FAM228B: variants seen among roughly 807,000 people sequenced by gnomAD.
The protein encoded by FAM228B is protein FAM228B.
FAM228B carries 38 observed loss-of-function variants against 42.6 expected under a neutral mutation model. The ratio of observed to expected loss-of-function variants is 0.89; its 90% CI spans 0.69 to 1.17. The LOEUF is 1.17. Ranked by LOEUF, FAM228B falls within the 50% of genes most tolerant of loss-of-function variation. The pLI is 0.00. For synonymous variants in FAM228B, 109 were observed against 122.3 expected, an observed-to-expected ratio of 0.89 and a Z score of 0.72; for missense variants, 344 against 367.3, an observed-to-expected ratio of 0.94 and a Z score of 0.52.
chr2:24,157,877 A>G (rs898042157), intron 7 of FAM228B, among the ~76,000 whole-genome samples: 52 of 152,334 alleles, frequency 3.4e-4, no homozygotes, highest in African/African-American at 1.3e-3. Context: ...CCACTTATTT[A>G]TAGCCATAAG....
chr2:24,102,983 C>T (rs1311772543), intron 3 of FAM228B, among the ~76,000 whole-genome samples: 1 of 152,118 alleles, frequency 6.6e-6, no homozygotes, highest in Non-Finnish European at 1.5e-5. Context: ...TATAGATGGA[C>T]AAGGCATGCA....
rs1194774903 is a variant in FAM228B at position 24,124,436 on chromosome 2, G to T, written c.75G>T (p.Glu25Asp). The T allele has an allele frequency of 2.6e-6, 4 of 1,551,068 alleles. No homozygotes were observed. In the East Asian group the frequency reaches 9.8e-5, roughly 38 times the overall value. Residue 25 changes from glutamate (E) to aspartate (D), a missense_variant, in exon 2 of 11, where the codon GAG (glutamate) becomes GAT (aspartate). Coordinates refer to ENST00000615575, the MANE Select transcript of FAM228B (RefSeq NM_001145710.2). The part of the protein sequence containing the change: ...PKLKSSKEWL[E>D]PKPLCFMEVL... The stretch of plus-strand genomic sequence containing the variant: ...TCAAGAGCTCAAAAGAATGGTTGGA[G>T]CCCAAGCCCCTTTGTTTTATGGAGG...
intron 2 of FAM228B, among the ~76,000 whole-genome samples, chr2:24,092,693 C>T (rs1037891641): frequency 3.3e-5 from 5 of 152,034 alleles, no homozygotes; most frequent in African/African-American, 9.7e-5. Context: ...GATGTATGTA[C>T]AGAGATGTTT....
intron 1 of FAM228B, chr2:24,079,582 G>T (rs1212856844): frequency 1.2e-6 from 2 of 1,614,084 alleles, no homozygotes; most frequent in East Asian, 2.2e-5. Context: ...CCAGGCAGTT[G>T]ACGTTCTTCT....
chr2:24,109,824 C>G (rs1404780786), intron 3 of FAM228B, among the ~76,000 whole-genome samples: 2 of 152,314 alleles, frequency 1.3e-5, no homozygotes, highest in East Asian at 1.9e-4. Flanking sequence ...AATGCTTATA[C>G]AGTGCTGATG....
At chr2:24,132,492 G>A (rs565161093) in intron 2 of FAM228B, among the ~76,000 whole-genome samples, 789 of 61,304 alleles carry the variant, frequency 0.013, 8 homozygotes, top group Middle Eastern at 0.019. Flanking sequence ...TTTTTTTTTG[G>A]TTGATAGGCT....
At chr2:24,121,882 A>G (rs1666130193), upstream of FAM228B, among the ~76,000 whole-genome samples, 2 of 152,340 alleles carry the variant, frequency 1.3e-5, no homozygotes, top group South Asian at 4.1e-4. Flanking sequence ...GCTTTCACAG[A>G]TGACCAGTCT....
rs1664940247 is a variant in FAM228B, at chr2:24,080,296, A to G, written c.-289-580A>G. Among the ~76,000 whole-genome samples, 1 of 151,954 alleles carries G rather than the reference A, an allele frequency of 6.6e-6. No individual in the cohort carries two copies. Among genetic ancestry groups the G allele is most frequent in the African/African-American group, 2.4e-5 (1 of 41,362 alleles). On this transcript the variant is annotated intron_variant, in intron 1 of 10. Coordinates refer to the FAM228B transcript ENST00000613899. This position sits in a 1 kb window ranked among gnomAD's most constrained non-coding sequence, Gnocchi z 4.7. The stretch of plus-strand genomic sequence containing the variant: ...CTTGAACCTGGGAGGCGGAGGTTGC[A>G]GCGAGCCGAGATCAAGCCACTGCAC...
intron 7 of FAM228B, among the ~76,000 whole-genome samples, chr2:24,158,681 C>T (rs1283767542): frequency 6.6e-6 from 1 of 152,054 alleles, no homozygotes; most frequent in African/African-American, 2.4e-5. Flanking sequence ...GAGTCTCAGT[C>T]ACGATGGTGG....
chr2:24,144,341 G>A (rs966739717), intron 5 of FAM228B, among the ~76,000 whole-genome samples: 1 of 152,152 alleles, frequency 6.6e-6, no homozygotes, highest in African/African-American at 2.4e-5. Context: ...GGAGGTGGAG[G>A]TGGGAGGATG....
intron 2 of FAM228B, among the ~76,000 whole-genome samples, chr2:24,126,102 G>A (rs1041309351): frequency 6.6e-6 from 1 of 152,148 alleles, no homozygotes; most frequent in Admixed American, 6.5e-5. Flanking sequence ...CCAGTTTGGG[G>A]CTATTACAAA....
At chr2:24,166,102 G>C (rs1667405828) in intron 9 of FAM228B, 1 of 139,680 alleles carries the variant, frequency 7.2e-6, no homozygotes, top group Non-Finnish European at 1.6e-5. Flanking sequence ...TAGATAGATA[G>C]ATAGATATAG....
At chr2:24,160,430 C>T (rs1404506729) in intron 7 of FAM228B, among the ~76,000 whole-genome samples, 2 of 152,116 alleles carry the variant, frequency 1.3e-5, no homozygotes, top group Non-Finnish European at 2.9e-5. Context: ...TCTTTGCATT[C>T]TGCTTCTGGG....
At position 24,095,654 on chromosome 2, in the gene FAM228B, C is replaced by G. The variant is rs2150993726; in HGVS notation, c.-121+425C>G. 1 of 152,490 alleles carries G rather than the reference C, an allele frequency of 6.6e-6. No individual in the cohort carries two copies. Among genetic ancestry groups the G allele is most frequent in the African/African-American group, 2.4e-5 (1 of 41,594 alleles). 9.4% of individuals were successfully genotyped at this position (152,490 alleles called of 1,614,324 possible). A position where few individuals can be genotyped will look rare whatever the true frequency, so the allele number is the denominator to read the frequency against. On this transcript the variant is annotated intron_variant, in intron 3 of 10. Transcript: ENST00000613899. This position sits in a 1 kb window ranked among gnomAD's most constrained non-coding sequence, Gnocchi z 4.8. ...TGCAGCTCAGTAAGGCCTACTGCCT[C>G]TAGACTCCATCTCTGTGGCCAGGGC... is the stretch of plus-strand genomic sequence containing the variant.
upstream of FAM228B, chr2:24,121,205 G>A (rs749978143): frequency 1.2e-6 from 2 of 1,614,178 alleles, no homozygotes; most frequent in Admixed American, 1.7e-5. Flanking sequence ...GGACACATCT[G>A]TAATCTTTTC....
Position 24,155,504 on chromosome 2 carries a change from C to CTTATATATATATATATATATATATATAT in FAM228B, c.687-6002_687-6001insTTATATATATATATATATATATATATAT, listed in dbSNP as rs1216710906. On this transcript the variant is annotated intron_variant, in intron 7 of 10. Transcript: ENST00000615575. ...GTGCCAGAAGTCATTGAAGACCATGCATATATATATATATATATATATATA... is the reference window on the plus strand; with the variant it reads ...GTGCCAGAAGTCATTGAAGACCATGCTTATATATATATATATATATATATATATATATATATATATATATATATATATA... 5.6e-5 allele frequency among the ~76,000 whole-genome samples: 2 copies of CTTATATATATATATATATATATATATAT among 35,896 alleles called. 1 individual carries two copies. The highest frequency in any genetic ancestry group is 1.1e-4 in the Non-Finnish European group (2 of 18,370). 23.5% of individuals were successfully genotyped at this position (35,896 alleles called of 152,430 possible).
rs112654066 is a variant in FAM228B at position 24,095,191 on chromosome 2, C to T, written c.-159C>T. On this transcript the variant is annotated 5_prime_UTR_variant, in exon 3 of 11. Coordinates refer to the FAM228B transcript ENST00000613899. The surrounding 1 kb of genome is among the most constrained non-coding windows in gnomAD (Gnocchi z 4.8). ...TCCAGTCTGCAGCTCCCAGCGTGAT[C>T]GACGCAGAAGACAGGTGATTTCTGC... 3.8e-3 allele frequency: 576 copies of T among 152,626 alleles called. 3 individuals carry two copies. Among genetic ancestry groups the T allele is most frequent in the Non-Finnish European group, 6.5e-3 (442 of 68,326 alleles). The allele number at this position is 152,626 out of a possible 1,614,324, so 9.5% of individuals were successfully genotyped here. A position where few individuals can be genotyped will look rare whatever the true frequency, so the allele number is the denominator to read the frequency against.
At chr2:24,121,260 G>A (rs773082250), upstream of FAM228B, 6 of 1,614,114 alleles carry the variant, frequency 3.7e-6, no homozygotes, top group South Asian at 5.5e-5. Flanking sequence ...AGGGTTCTTG[G>A]CAAATCCATT....
chr2:24,143,388 G>T (rs540363941), intron 5 of FAM228B, among the ~76,000 whole-genome samples: 7 of 152,098 alleles, frequency 4.6e-5, no homozygotes, highest in Non-Finnish European at 1.0e-4. Flanking sequence ...TAGAGATGGG[G>T]TTTCATCGTG....
Sources: gnomAD v4.1 joint callset for allele counts (sites outside exome capture counted in the v4.1 genomes callset) on GRCh38, gnomAD v4.1.1 for gene constraint, Gnocchi (gnomAD v3.1) non-coding constraint, MANE v1.5 for transcripts, NCBI Gene and HGNC (gene_info 2026-07-23, HGNC 2026-07-21) for gene names.